TMEM272: variants seen among roughly 807,000 people sequenced by gnomAD.
TMEM272 encodes transmembrane protein 272.
TMEM272 carries 8 observed loss-of-function variants against 3.7 expected under a neutral mutation model. That is an observed-to-expected ratio of 2.17 (90% CI 1.27 to 3.91). TMEM272 has a LOEUF of 3.91. Among genes scored for constraint, TMEM272 ranks in the 30% most tolerant of loss-of-function variants. The pLI is 0.00. For synonymous variants in TMEM272, 63 were observed against 39.8 expected, an observed-to-expected ratio of 1.58 and a Z score of -2.20; for missense variants, 166 against 91.5, an observed-to-expected ratio of 1.81 and a Z score of -3.32.
At chr13:51,895,422 C>T in the TMEM272 span, among the ~76,000 whole-genome samples, 4 of 152,092 alleles carry the variant, frequency 2.6e-5, no homozygotes, top group Admixed American at 6.5e-5. Flanking sequence ...GCAGGGAAAT[C>T]GAGCCACAAG....
the TMEM272 span, among the ~76,000 whole-genome samples, chr13:51,875,335 A>G: frequency 6.6e-6 from 1 of 152,152 alleles, no homozygotes; most frequent in East Asian, 1.9e-4. Context: ...TTTTTTTTCA[A>G]CCAAGTTAAA....
At chr13:51,933,770 C>T in the TMEM272 span, 1 of 152,258 alleles carries the variant, frequency 6.6e-6, no homozygotes, top group Non-Finnish European at 1.5e-5. Flanking sequence ...AGTCAGAAGA[C>T]TGAAAACGAA....
the TMEM272 span, among the ~76,000 whole-genome samples, chr13:51,893,846 C>A: frequency 6.6e-6 from 1 of 152,158 alleles, no homozygotes; most frequent in African/African-American, 2.4e-5. Context: ...AAAAGCTTGT[C>A]ATCTTGTTGT....
chr13:51,843,500 T>A (rs1233167239), intron 1 of TMEM272, among the ~76,000 whole-genome samples: 4 of 152,220 alleles, frequency 2.6e-5, no homozygotes, highest in Non-Finnish European at 5.9e-5. Context: ...TGGATTCATG[T>A]CAATGCAATC....
chr13:51,922,566 C>G, the TMEM272 span, among the ~76,000 whole-genome samples: 1 of 152,176 alleles, frequency 6.6e-6, no homozygotes, highest in Admixed American at 6.5e-5. Flanking sequence ...GGGATCACAC[C>G]TGCAGAAGAG....
chr13:51,829,864 A>G (rs2139568011), intron 2 of TMEM272, among the ~76,000 whole-genome samples: 1 of 152,330 alleles, frequency 6.6e-6, no homozygotes, highest in East Asian at 1.9e-4. Context: ...AAAAAATAGC[A>G]GATGGAAGAA....
chr13:51,922,871 G>A, the TMEM272 span, among the ~76,000 whole-genome samples: 17 of 152,234 alleles, frequency 1.1e-4, no homozygotes, highest in East Asian at 2.3e-3. Context: ...TCTCCTCTCT[G>A]ATCCTCCTAC....
chr13:51,921,825 G>A, the TMEM272 span, among the ~76,000 whole-genome samples: 1 of 152,176 alleles, frequency 6.6e-6, no homozygotes, highest in African/African-American at 2.4e-5. Flanking sequence ...GGGGAGCGGA[G>A]GTCCAAAGCA....
At chr13:51,882,391 A>T in the TMEM272 span, among the ~76,000 whole-genome samples, 1 of 152,266 alleles carries the variant, frequency 6.6e-6, no homozygotes, top group Non-Finnish European at 1.5e-5. Flanking sequence ...GATCTTAAAT[A>T]GAATACTGAA....
the TMEM272 span, among the ~76,000 whole-genome samples, chr13:51,924,486 G>C: frequency 6.6e-6 from 1 of 152,152 alleles, no homozygotes; most frequent in Non-Finnish European, 1.5e-5. Context: ...CTGCCAGTGG[G>C]GTTGAGTCTA....
the TMEM272 span, among the ~76,000 whole-genome samples, chr13:51,877,568 T>G: frequency 6.6e-6 from 1 of 152,268 alleles, no homozygotes; most frequent in Non-Finnish European, 1.5e-5. Flanking sequence ...TTTCTTTAGT[T>G]AAGGCTCAAG....
the TMEM272 span, among the ~76,000 whole-genome samples, chr13:51,860,810 T>C: frequency 8.2e-6 from 1 of 122,222 alleles, no homozygotes; most frequent in African/African-American, 3.1e-5. Flanking sequence ...AAAAAATATA[T>C]ATATAGAAGT....
chr13:51,863,291 C>CT, the TMEM272 span, among the ~76,000 whole-genome samples: 2 of 152,258 alleles, frequency 1.3e-5, no homozygotes, highest in East Asian at 3.9e-4. Context: ...GGGCGTTCAG[C>CT]TTTGATCTTT....
At chr13:51,862,145 C>G in the TMEM272 span, 2 of 152,280 alleles carry the variant, frequency 1.3e-5, no homozygotes, top group Non-Finnish European at 2.9e-5. Flanking sequence ...CCTGCAAGCA[C>G]GCATCACTGG....
the TMEM272 span, among the ~76,000 whole-genome samples, chr13:51,928,418 T>C: frequency 1.3e-5 from 2 of 152,226 alleles, no homozygotes; most frequent in African/African-American, 4.8e-5. Flanking sequence ...CATACCCTCA[T>C]GGCAGTGCTG....
At chr13:51,835,115 C>T (rs758807379) in intron 2 of TMEM272, among the ~76,000 whole-genome samples, 11 of 152,126 alleles carry the variant, frequency 7.2e-5, no homozygotes, top group East Asian at 1.9e-4. Context: ...CCTCTGAGGC[C>T]GCCACCACTT....
At chr13:51,835,683 C>T in intron 2 of TMEM272, among the ~76,000 whole-genome samples, 1 of 152,148 alleles carries the variant, frequency 6.6e-6, no homozygotes. Context: ...GGGATCAGGC[C>T]AAGGAGGCCA....
the TMEM272 span, among the ~76,000 whole-genome samples, chr13:51,893,929 A>C: frequency 3.0e-3 from 458 of 152,324 alleles, no homozygotes; most frequent in Non-Finnish European, 5.2e-3. Context: ...CGAAGATCAC[A>C]ATAGTAATAA....
upstream of TMEM272, among the ~76,000 whole-genome samples, chr13:51,847,374 T>C (rs1406784620): frequency 1.3e-5 from 2 of 152,144 alleles, no homozygotes; most frequent in Non-Finnish European, 2.9e-5. Context: ...GAAATCTAGG[T>C]TGCACACTCC....
Sources: allele counts gnomAD v4.1 joint callset (sites outside exome capture counted in the v4.1 genomes callset), GRCh38; gene constraint gnomAD v4.1.1; transcripts MANE v1.5; gene names NCBI Gene and HGNC (gene_info 2026-07-23, HGNC 2026-07-21).